Variants in TMOD2 observed in about 807,000 individuals in gnomAD.
TMOD2 encodes the protein tropomodulin 2, also known as tropomodulin-2.
A neutral mutation model predicts 39.9 loss-of-function variants in TMOD2; 22 were observed. The observed-to-expected ratio is 0.55, with a 90% confidence interval of 0.39 to 0.79. The LOEUF is 0.79. Among genes scored for constraint, TMOD2 ranks in the 30% least tolerant of loss-of-function variants. The pLI, the probability that TMOD2 is intolerant of heterozygous loss-of-function variation, is 0.00. For synonymous variants in TMOD2, 123 were observed against 146.1 expected, an observed-to-expected ratio of 0.84 and a Z score of 1.14; for missense variants, 386 against 413.3, an observed-to-expected ratio of 0.93 and a Z score of 0.57.
intron 7 of TMOD2, among the ~76,000 whole-genome samples, chr15:51,793,700 C>T (rs2056028541): frequency 6.6e-6 from 1 of 152,188 alleles, no homozygotes; most frequent in African/African-American, 2.4e-5. Flanking sequence ...GGCTGGCTCG[C>T]CCCTGTTTTG....
At chr15:51,771,528 G>T (rs574788700) in intron 3 of TMOD2, among the ~76,000 whole-genome samples, 2 of 152,284 alleles carry the variant, frequency 1.3e-5, no homozygotes, top group South Asian at 4.1e-4. Flanking sequence ...TCCTATATTA[G>T]GTTGGGCATG....
In TMOD2 at chr15:51,812,411, C is replaced by G. The variant is rs967142486; in HGVS notation, c.*3957C>G. The G allele has an allele frequency of 1.1e-4, 16 of 152,160 alleles. No individual in the cohort carries two copies. Among genetic ancestry groups the G allele is most frequent in the African/African-American group, 3.6e-4 (15 of 41,414 alleles). 9.4% of individuals were successfully genotyped at this position (152,160 alleles called of 1,614,324 possible). A position where few individuals can be genotyped will look rare whatever the true frequency, so the allele number is the denominator to read the frequency against. ...TGCTCAAACTGAAAATTCTTAAAAC[C>G]AATATTAAGCATCAGCATGCTTTAA... On this transcript the variant is annotated 3_prime_UTR_variant, in exon 10 of 10. Coordinates refer to ENST00000249700, the MANE Select transcript of TMOD2 (RefSeq NM_014548.4).
chr15:51,786,037 C>CAT (rs1283801782), intron 7 of TMOD2, among the ~76,000 whole-genome samples: 3 of 151,922 alleles, frequency 2.0e-5, no homozygotes, highest in Non-Finnish European at 2.9e-5. Flanking sequence ...GGAAGATATA[C>CAT]GTATATATAC....
At chr15:51,775,579 T>C (rs2055881941) in intron 4 of TMOD2, among the ~76,000 whole-genome samples, 3 of 131,804 alleles carry the variant, frequency 2.3e-5, no homozygotes, top group African/African-American at 5.7e-5. Context: ...CCTTTTTTTT[T>C]TTTTTTTTTT....
chr15:51,762,352 A>G (rs1264039399), intron 1 of TMOD2, among the ~76,000 whole-genome samples: 1 of 152,048 alleles, frequency 6.6e-6, no homozygotes, highest in East Asian at 1.9e-4. Flanking sequence ...CTAGCTACTT[A>G]GGAGACTGAT....
At chr15:51,806,280 T>A in intron 8 of TMOD2, 97 bp from the exon 9 acceptor site, 3 of 1,441,756 alleles carry the variant, frequency 2.1e-6, no homozygotes, top group East Asian at 4.7e-5. Context: ...CCTCTTTGCC[T>A]TTTTGTCCAG....
intron 7 of TMOD2, 40 bp from the exon 8 acceptor site, chr15:51,798,157 C>G: frequency 1.3e-6 from 2 of 1,542,456 alleles, no homozygotes; most frequent in South Asian, 2.5e-5. Context: ...TTTAGAAATT[C>G]TAACTTAATT....
At chr15:51,776,007 A>G (rs917391131) in intron 4 of TMOD2, among the ~76,000 whole-genome samples, 3 of 152,234 alleles carry the variant, frequency 2.0e-5, no homozygotes, top group African/African-American at 4.8e-5. Context: ...GAGGAAACGG[A>G]GACTCGGGCA....
chr15:51,801,237 TCACACACACACACACACACACACA>T (rs546562505), intron 8 of TMOD2, among the ~76,000 whole-genome samples: 1 of 102,106 alleles, frequency 9.8e-6, no homozygotes, highest in South Asian at 3.6e-4. Context: ...TCTCTCTCTC[TCACACACACACACACACACACACA>T]CACACACACA....
chr15:51,801,947 T>TATAATATAAC (rs1555463122), intron 8 of TMOD2, among the ~76,000 whole-genome samples: 2 of 148,332 alleles, frequency 1.3e-5, no homozygotes, highest in African/African-American at 4.9e-5. Flanking sequence ...TATAATATAA[T>TATAATATAAC]ATAACATAAT....
intron 8 of TMOD2, among the ~76,000 whole-genome samples, chr15:51,800,796 C>T (rs2056081980): frequency 6.6e-6 from 1 of 152,172 alleles, no homozygotes; most frequent in Non-Finnish European, 1.5e-5. Context: ...ATCTCCACCT[C>T]TCTGGCTCAA....
rs1165070779 is a variant in TMOD2 at position 51,781,117 on chromosome 15, G to A, written c.567G>A (p.Leu189=). 6.2e-7 allele frequency: 1 copy of A among 1,612,890 alleles called. No individual in the cohort carries two copies. The highest frequency in any genetic ancestry group is 8.5e-7 in the Non-Finnish European group (1 of 1,179,656). The change falls in exon 6 of 10, where the codon CTG becomes CTA. Residue 189 remains leucine (L), a synonymous_variant. Coordinates refer to ENST00000249700, the MANE Select transcript of TMOD2 (RefSeq NM_014548.4). ...ATCCCACAAATGTGGAAATAAGCCT[G>A]CAGCAGATGAAAGCCAATGATCCTA... ...PPNPTNVEIS[L]QQMKANDPSL...
intron 3 of TMOD2, among the ~76,000 whole-genome samples, chr15:51,768,720 G>A (rs2055834160): frequency 6.6e-6 from 1 of 151,898 alleles, no homozygotes; most frequent in Non-Finnish European, 1.5e-5. Context: ...TGGGAAATAA[G>A]CCCATGAACT....
At chr15:51,762,922 C>T (rs184609654) in intron 1 of TMOD2, among the ~76,000 whole-genome samples, 19 of 152,118 alleles carry the variant, frequency 1.2e-4, no homozygotes, top group Middle Eastern at 3.4e-3. Context: ...TGTGGATATA[C>T]GACAATTTGT....
intron 1 of TMOD2, among the ~76,000 whole-genome samples, chr15:51,757,176 TG>T (rs1665157929): frequency 6.6e-6 from 1 of 152,150 alleles, no homozygotes; most frequent in South Asian, 2.1e-4. Flanking sequence ...CCAAGGCAGG[TG>T]GATCACCTGT....
At chr15:51,782,247 A>C (rs558392637) in intron 6 of TMOD2, among the ~76,000 whole-genome samples, 1 of 152,336 alleles carries the variant, frequency 6.6e-6, no homozygotes, top group South Asian at 2.1e-4. Flanking sequence ...AGAAAGAAAA[A>C]TTTTAATGCT....
At chr15:51,807,203 A>G (rs929596580) in intron 9 of TMOD2, among the ~76,000 whole-genome samples, 10 of 152,220 alleles carry the variant, frequency 6.6e-5, no homozygotes, top group Admixed American at 5.9e-4. Context: ...GTGGTCAGTC[A>G]GTCAATAGCA....
Position 51,782,837 on chromosome 15 carries a change from A to C in TMOD2, c.732+9A>C. On this transcript the variant is annotated intron_variant, in intron 7 of 9. Coordinates refer to ENST00000249700, the MANE Select transcript of TMOD2 (RefSeq NM_014548.4). ...ATGACCCTGTGGCCATTGTGAGTAA[A>C]ATTCTTAGAAATATAACATGAAGTT... is the stretch of plus-strand genomic sequence containing the variant. 6.2e-7 allele frequency: 1 copy of C among 1,606,158 alleles called. No homozygotes were observed. Among genetic ancestry groups the C allele is most frequent in the Non-Finnish European group, 8.5e-7 (1 of 1,174,064 alleles).
In TMOD2 at chr15:51,808,719, G is replaced by T; in HGVS notation, c.*265G>T. 3.0e-6 allele frequency: 1 copy of T among 329,790 alleles called. No homozygotes were observed. The highest frequency in any genetic ancestry group is 8.2e-5 in the South Asian group (1 of 12,170). The allele number at this position is 329,790 out of a possible 1,614,324, so 20.4% of individuals were successfully genotyped here. On this transcript the variant is annotated 3_prime_UTR_variant, in exon 10 of 10. Coordinates refer to ENST00000249700, the MANE Select transcript of TMOD2 (RefSeq NM_014548.4). ...TTTAGAGAGTGACGACATGGAAAAT[G>T]AATTTAACCACTTTCTTATTGGGTT...
Sources: gnomAD v4.1 joint callset for allele counts (sites outside exome capture counted in the v4.1 genomes callset) on GRCh38, gnomAD v4.1.1 for gene constraint, MANE v1.5 for transcripts, NCBI Gene and HGNC (gene_info 2026-07-23, HGNC 2026-07-21) for gene names.